Variants in NFIX observed in about 807,000 individuals in gnomAD.
NFIX encodes the protein nuclear factor I X.
In NFIX, 2 loss-of-function variants were observed where a neutral mutation model predicts 53.3. The observed-to-expected ratio is 0.04, with a 90% CI of 0.02 to 0.12. The LOEUF (loss-of-function observed/expected upper bound fraction) is 0.12. Among genes scored for constraint, NFIX ranks in the 10% least tolerant of loss-of-function variants. The pLI is 1.00. For synonymous variants in NFIX, 244 were observed against 289.0 expected (o/e 0.84, Z 1.58); for missense variants, 310 against 674.5 (o/e 0.46, Z 5.99).
intron 1 of NFIX, chr19:13,024,113 C>CAA (rs113861190): frequency 0.019 from 7,574 of 405,930 alleles, no homozygotes; most frequent in South Asian, 0.03. Context: ...AGCAAACAAC[C>CAA]AAAAAAAAAA....
chr19:13,000,546 T>C (rs1296912901), intron 1 of NFIX, among the ~76,000 whole-genome samples: 1 of 121,002 alleles, frequency 8.3e-6, no homozygotes, highest in African/African-American at 3.3e-5. Context: ...AGGGGAGAGA[T>C]GGTGGGGGAG....
rs994676038 is a variant in NFIX, at chr19:13,005,660, C to T, written c.27+9796C>T. 1.3e-5 allele frequency among the ~76,000 whole-genome samples: 2 copies of T among 152,184 alleles called. No homozygotes were observed. The highest frequency in any genetic ancestry group is 4.8e-5 in the African/African-American group (2 of 41,450). On this transcript the variant is annotated intron_variant, in intron 1 of 10. Transcript: ENST00000592199. The surrounding 1 kb of genome is among the most constrained non-coding windows in gnomAD (Gnocchi z 4.7). Reference sequence around the variant, plus strand: ...GGGCGGGGAGCTCTTTCTTCAAGATCGTCACCACCCTAAATCCTGCCGATG... The same window carrying T: ...GGGCGGGGAGCTCTTTCTTCAAGATTGTCACCACCCTAAATCCTGCCGATG...
Position 13,036,049 on chromosome 19 carries a change from G to A in NFIX, c.559+10497G>A, listed in dbSNP as rs1209180160. Among the ~76,000 whole-genome samples, 1 of 152,150 alleles carries A rather than the reference G, an allele frequency of 6.6e-6. No homozygotes were observed. The highest frequency in any genetic ancestry group is 2.1e-4 in the South Asian group (1 of 4,828). On this transcript the variant is annotated intron_variant, in intron 2 of 10. Coordinates refer to ENST00000592199, the MANE Select transcript of NFIX (RefSeq NM_001365902.3). This position sits in a 1 kb window ranked among gnomAD's most constrained non-coding sequence, Gnocchi z 4.7. Reference sequence around the variant, plus strand: ...GGATTCCTGCTGGTGGTATAACCCCGACCACAGAAGTCAGGGCCTAAGCCT... The same window carrying A: ...GGATTCCTGCTGGTGGTATAACCCCAACCACAGAAGTCAGGGCCTAAGCCT...
At chr19:13,023,231 A>G (rs2145183366) in intron 1 of NFIX, among the ~76,000 whole-genome samples, 1 of 148,540 alleles carries the variant, frequency 6.7e-6, no homozygotes, top group South Asian at 2.1e-4. Flanking sequence ...CCAAAAACCC[A>G]ACCAGTGCGC....
rs1007297790 is a variant in NFIX at position 13,088,170 on chromosome 19, C to A, written c.1402+34C>A. 2.6e-6 allele frequency: 4 copies of A among 1,535,852 alleles called. No homozygotes were observed. The highest frequency in any genetic ancestry group is 3.5e-6 in the Non-Finnish European group (4 of 1,146,410). ...ACGATGAAACCGAAACCACAACGCC[C>A]AGCGTCCCCGGCCCGTCCAAACAGT... On this transcript the variant is annotated intron_variant, in intron 9 of 10. Coordinates refer to ENST00000592199, the MANE Select transcript of NFIX (RefSeq NM_001365902.3). The surrounding 1 kb of genome is among the most constrained non-coding windows in gnomAD (Gnocchi z 5.9).
At chr19:13,069,238 T>TG (rs2016617361) in intron 2 of NFIX, among the ~76,000 whole-genome samples, 1 of 152,068 alleles carries the variant, frequency 6.6e-6, no homozygotes, top group Admixed American at 6.5e-5. Context: ...GCCCTGAACT[T>TG]GGGGGTGCAC....
Position 13,087,846 on chromosome 19 carries a change from C to T in NFIX, c.1255-143C>T. 7 of 733,046 alleles carry T rather than the reference C, an allele frequency of 9.5e-6. No individual in the cohort carries two copies. The South Asian group carries it at 1.2e-4, about 12-fold the overall frequency. The allele number at this position is 733,046 out of a possible 1,614,324, so 45.4% of individuals were successfully genotyped here. A position where few individuals can be genotyped will look rare whatever the true frequency, so the allele number is the denominator to read the frequency against. Reference sequence around the variant, plus strand: ...TAGAGGCCTTACACCCTCACCCATCCTGTGCCCTGGAGGAGAGGACCCAAT... The same window carrying T: ...TAGAGGCCTTACACCCTCACCCATCTTGTGCCCTGGAGGAGAGGACCCAAT... On this transcript the variant is annotated intron_variant, in intron 8 of 10. Transcript: ENST00000592199.
chr19:13,078,713 T>G lies in NFIX; in HGVS notation c.1056T>G (p.Pro352=). ...PRMAFTHHPL[P]VLAGVRPGSP... is the part of the protein sequence containing the mutation. ...TGGCTTTCACCCACCACCCGCTGCC[T>G]GTGCTTGCTGGAGTCAGACCAGGTG... is the stretch of plus-strand genomic sequence containing the variant. The change falls in exon 7 of 11, where the codon CCT becomes CCG. Residue 352 remains proline (P), a synonymous_variant. Coordinates refer to ENST00000592199, the MANE Select transcript of NFIX (RefSeq NM_001365902.3). This position sits in a 1 kb window ranked among gnomAD's most constrained non-coding sequence, Gnocchi z 4.7. 4 of 1,600,640 alleles carry G rather than the reference T, an allele frequency of 2.5e-6. No homozygotes were observed. The South Asian group carries it at 4.5e-5, about 18-fold the overall frequency.
intron 2 of NFIX, among the ~76,000 whole-genome samples, chr19:13,063,449 CTT>C (rs1294239322): frequency 6.6e-6 from 1 of 151,844 alleles, no homozygotes; most frequent in Non-Finnish European, 1.5e-5. Flanking sequence ...CAAAGCCACT[CTT>C]GAGTATCTTT....
At chr19:12,999,745 C>A (rs1347845382) in intron 1 of NFIX, among the ~76,000 whole-genome samples, 2 of 152,230 alleles carry the variant, frequency 1.3e-5, no homozygotes, top group Non-Finnish European at 2.9e-5. Flanking sequence ...AGGGGGATGG[C>A]TGGGGCTTCC....
chr19:13,007,831 C>T (rs747264657), intron 1 of NFIX, among the ~76,000 whole-genome samples: 18 of 151,566 alleles, frequency 1.2e-4, no homozygotes, highest in Non-Finnish European at 2.2e-4. Flanking sequence ...ACTTGTTTTT[C>T]GCTGCCGAGG....
intron 1 of NFIX, among the ~76,000 whole-genome samples, chr19:12,999,872 G>A (rs1374553835): frequency 2.0e-5 from 3 of 152,244 alleles, no homozygotes; most frequent in African/African-American, 7.2e-5. Context: ...ATGGCACTTG[G>A]CATTTTCTCT....
chr19:13,086,492 C>T lies in NFIX; in HGVS notation c.1255-1497C>T, dbSNP rs1386075357. Among the ~76,000 whole-genome samples the T allele has an allele frequency of 2.0e-5, 3 of 152,300 alleles. No individual in the cohort carries two copies. The East Asian group carries it at 5.8e-4, about 29-fold the overall frequency. On this transcript the variant is annotated intron_variant, in intron 8 of 10. Transcript: ENST00000592199. ...CAGTTGTGAAATAAAGAGAATAGAGCTTCCTTTGTGGCAAGGCTTCCCAGG... is the reference window on the plus strand; with the variant it reads ...CAGTTGTGAAATAAAGAGAATAGAGTTTCCTTTGTGGCAAGGCTTCCCAGG...
At chr19:13,059,777 C>CTTTTT (rs35128120) in intron 2 of NFIX, among the ~76,000 whole-genome samples, 121 of 60,340 alleles carry the variant, frequency 2.0e-3, no homozygotes, top group South Asian at 2.9e-3. Context: ...AATTAGAATT[C>CTTTTT]TTTTTTTTTT....
chr19:13,046,608 T>C (rs1302075143), intron 2 of NFIX, among the ~76,000 whole-genome samples: 1 of 152,136 alleles, frequency 6.6e-6, no homozygotes, highest in Non-Finnish European at 1.5e-5. Flanking sequence ...GAGGGATTGC[T>C]CCTGACAAGA....
At position 13,012,176 on chromosome 19, in the gene NFIX, G is replaced by A. The variant is rs2012389282; in HGVS notation, c.28-12845G>A. 6.6e-6 allele frequency: 1 copy of A among 152,268 alleles called. No homozygotes were observed. The highest frequency in any genetic ancestry group is 6.5e-5 in the Admixed American group (1 of 15,290). 9.4% of individuals were successfully genotyped at this position (152,268 alleles called of 1,614,324 possible). ...CGCTTCGAGGCCCCGGATGTCAGAC[G>A]CGACCTGTGTGGCATGTACCAGGCT... On this transcript the variant is annotated intron_variant, in intron 1 of 10. Transcript: ENST00000592199. This position sits in a 1 kb window ranked among gnomAD's most constrained non-coding sequence, Gnocchi z 5.0.
chr19:13,087,174 G>T (rs1407263789), intron 8 of NFIX, among the ~76,000 whole-genome samples: 3 of 152,218 alleles, frequency 2.0e-5, no homozygotes, highest in Admixed American at 6.5e-5. Flanking sequence ...GCACCTGTGT[G>T]TCCTGAAGCC....
rs1313639121 is a variant in NFIX at position 13,095,716 on chromosome 19, C to T, written c.*1067C>T. On this transcript the variant is annotated 3_prime_UTR_variant, in exon 11 of 11. Coordinates refer to ENST00000592199, the MANE Select transcript of NFIX (RefSeq NM_001365902.3). Reference sequence around the variant, plus strand: ...CAGCCGCCGCTGCCGCGCTAAGCCACCACCTGCGCTTAGGTAGGCGTCCTG... The same window carrying T: ...CAGCCGCCGCTGCCGCGCTAAGCCATCACCTGCGCTTAGGTAGGCGTCCTG... 1 of 152,394 alleles carries T rather than the reference C, an allele frequency of 6.6e-6. No individual in the cohort carries two copies. Among genetic ancestry groups the T allele is most frequent in the Non-Finnish European group, 1.5e-5 (1 of 68,078 alleles). 9.4% of individuals were successfully genotyped at this position (152,394 alleles called of 1,614,324 possible).
At chr19:13,038,394 G>A (rs771835055) in intron 2 of NFIX, among the ~76,000 whole-genome samples, 3 of 152,134 alleles carry the variant, frequency 2.0e-5, no homozygotes, top group Non-Finnish European at 2.9e-5. Context: ...CTTCCTGAGC[G>A]TAGCAGTCCC....
Sources: allele counts gnomAD v4.1 joint callset (sites outside exome capture counted in the v4.1 genomes callset), GRCh38; gene constraint gnomAD v4.1.1; non-coding constraint Gnocchi (gnomAD v3.1); transcripts MANE v1.5; gene names NCBI Gene and HGNC (gene_info 2026-07-23, HGNC 2026-07-21).